SCARB2: variants seen among roughly 807,000 people sequenced by gnomAD.
SCARB2 encodes lysosome membrane protein 2.
SCARB2 carries 29 observed loss-of-function variants against 58.6 expected under a neutral mutation model. That is an observed-to-expected ratio of 0.49 (90% CI 0.37 to 0.67). The LOEUF is 0.67. Ranked by LOEUF, SCARB2 falls within the 30% of genes least tolerant of loss-of-function variation. The pLI is 0.00. For synonymous variants in SCARB2, 195 were observed against 210.1 expected, an observed-to-expected ratio of 0.93 and a Z score of 0.62; for missense variants, 488 against 578.5, an observed-to-expected ratio of 0.84 and a Z score of 1.60.
At chr4:76,205,452 G>A (rs1293799905) in intron 1 of SCARB2, among the ~76,000 whole-genome samples, 2 of 152,162 alleles carry the variant, frequency 1.3e-5, no homozygotes, top group African/African-American at 2.4e-5. Flanking sequence ...TTGAGGTAAG[G>A]TGTATGTTAA....
At chr4:76,220,717 C>A (rs1447409574) in intron 1 of SCARB2, among the ~76,000 whole-genome samples, 1 of 152,184 alleles carries the variant, frequency 6.6e-6, no homozygotes, top group Non-Finnish European at 1.5e-5. Flanking sequence ...GTAATGGTCC[C>A]TCTTAGAATA....
chr4:76,163,778 T>G (rs937423016), intron 10 of SCARB2: 3 of 329,762 alleles, frequency 9.1e-6, no homozygotes, highest in Non-Finnish European at 1.7e-5. Flanking sequence ...TCCATCTCAC[T>G]CTCTACTTCC....
rs2109943699 is a variant in SCARB2, at chr4:76,175,910, C to T, written c.705G>A (p.Thr235=). The T allele has an allele frequency of 4.3e-6, 7 of 1,613,550 alleles. No individual in the cohort carries two copies. Among genetic ancestry groups the T allele is most frequent in the Non-Finnish European group, 4.2e-6 (5 of 1,179,944 alleles). Residue 235 remains threonine (T), a splice_region_variant and synonymous_variant, in exon 6 of 12, where the codon ACG becomes ACA. Coordinates refer to ENST00000264896, the MANE Select transcript of SCARB2 (RefSeq NM_005506.4). ...FTKIVEWNGK[T]SLDWWITDKC... is the part of the protein sequence containing the mutation. ...TGTCTGTTATCCACCAGTCAAGTGA[C>T]CTATAATTGATAAGCACAAGAAAGA...
chr4:76,170,051 A>C (rs1307082648), intron 7 of SCARB2, 66 bp from the exon 8 acceptor site: 1 of 1,412,898 alleles, frequency 7.1e-7, no homozygotes, highest in Admixed American at 1.7e-5. Flanking sequence ...CTGAATATAA[A>C]AGTTCCTGGC....
In SCARB2 at chr4:76,213,601, G is replaced by T. The variant is rs185028681; in HGVS notation, c.-58C>A. 6.6e-3 allele frequency: 9,348 copies of T among 1,425,736 alleles called. 41 individuals carry two copies. The highest frequency in any genetic ancestry group is 7.6e-3 in the Non-Finnish European group (7,769 of 1,016,572). 88.3% of individuals were successfully genotyped at this position (1,425,736 alleles called of 1,614,324 possible). A position where few individuals can be genotyped will look rare whatever the true frequency, so the allele number is the denominator to read the frequency against. On this transcript the variant is annotated 5_prime_UTR_variant, in exon 1 of 12. Transcript: ENST00000264896. ...CACCCGCCAGGGATCCAACTGCAAG[G>T]AGGGAGGAGCCGCCGCAGAGGCGTC...
chr4:76,201,898 A>C (rs554772647), intron 1 of SCARB2, among the ~76,000 whole-genome samples: 2 of 152,350 alleles, frequency 1.3e-5, no homozygotes, highest in African/African-American at 4.8e-5. Context: ...AAACTCTTTC[A>C]TTCTTTCCAC....
chr4:76,228,109 G>A (rs1391101623), intron 1 of SCARB2, among the ~76,000 whole-genome samples: 2 of 149,212 alleles, frequency 1.3e-5, no homozygotes, highest in Admixed American at 1.3e-4. Flanking sequence ...TCATTGTGTT[G>A]TTGTTTTATA....
At chr4:76,212,668 G>C (rs1199729044) in intron 1 of SCARB2, among the ~76,000 whole-genome samples, 1 of 152,170 alleles carries the variant, frequency 6.6e-6, no homozygotes, top group Non-Finnish European at 1.5e-5. Flanking sequence ...TGGGGGAAAG[G>C]GCAGATGAAA....
chr4:76,163,196 A>G (rs1731933595), intron 11 of SCARB2, 29 bp downstream of exon 11: 10 of 1,613,794 alleles, frequency 6.2e-6, no homozygotes, highest in Non-Finnish European at 8.5e-6. Context: ...TTATCCAGTA[A>G]GGAAGAAGTT....
chr4:76,162,885 G>A, intron 11 of SCARB2: 1 of 479,648 alleles, frequency 2.1e-6, no homozygotes, highest in Non-Finnish European at 3.8e-6. Context: ...TTGAACTCAG[G>A]CAGTCTGACA....
intron 1 of SCARB2, among the ~76,000 whole-genome samples, chr4:76,199,877 AC>A (rs1560717966): frequency 6.6e-6 from 1 of 152,184 alleles, no homozygotes; most frequent in Admixed American, 6.5e-5. Context: ...CAAAGAAAGC[AC>A]CTCAACCTCC....
chr4:76,209,408 G>A (rs569086582), intron 1 of SCARB2, among the ~76,000 whole-genome samples: 48 of 151,430 alleles, frequency 3.2e-4, no homozygotes, highest in East Asian at 1.2e-3. Flanking sequence ...TTGCTCTGTC[G>A]CCCAGGCTGG....
chr4:76,164,113 T>C (rs2109932471), intron 10 of SCARB2: 1 of 152,908 alleles, frequency 6.5e-6, no homozygotes, highest in Middle Eastern at 3.4e-3. Context: ...ACTTAGTGTA[T>C]GCAGAGCAGA....
At chr4:76,196,804 G>T (rs773788651) in intron 1 of SCARB2, among the ~76,000 whole-genome samples, 3 of 152,182 alleles carry the variant, frequency 2.0e-5, no homozygotes, top group Non-Finnish European at 2.9e-5. Flanking sequence ...AATCCCTCCT[G>T]CACTTTCCAC....
Position 76,213,780 on chromosome 4 carries a change from T to G in SCARB2, c.-237A>C. Reference sequence around the variant, plus strand: ...GGGCCCGGACTCGGTTTCGGTTTCCTTCGCCGGGCAGCCGTGGCGCCCGCC... The same window carrying G: ...GGGCCCGGACTCGGTTTCGGTTTCCGTCGCCGGGCAGCCGTGGCGCCCGCC... On this transcript the variant is annotated 5_prime_UTR_variant, in exon 1 of 12. Coordinates refer to ENST00000264896, the MANE Select transcript of SCARB2 (RefSeq NM_005506.4). 2.5e-6 allele frequency: 1 copy of G among 404,434 alleles called. No homozygotes were observed. The highest frequency in any genetic ancestry group is 4.4e-6 in the Non-Finnish European group (1 of 227,756). 25.1% of individuals were successfully genotyped at this position (404,434 alleles called of 1,614,324 possible). A position where few individuals can be genotyped will look rare whatever the true frequency, so the allele number is the denominator to read the frequency against.
intron 7 of SCARB2, 92 bp from the exon 8 acceptor site, chr4:76,170,077 A>G (rs921537086): frequency 7.3e-6 from 8 of 1,093,508 alleles, no homozygotes; most frequent in African/African-American, 1.5e-5. Context: ...CCTGGTTCCT[A>G]AAGAAAAACA....
intron 1 of SCARB2, among the ~76,000 whole-genome samples, chr4:76,196,814 C>T (rs1732722283): frequency 6.6e-6 from 1 of 152,224 alleles, no homozygotes; most frequent in South Asian, 2.1e-4. Flanking sequence ...GCACTTTCCA[C>T]CCCTGTTCTG....
rs59815580 is a variant in SCARB2 at position 76,195,506 on chromosome 4, G to A, written c.275+201C>T. Reference sequence around the variant, plus strand: ...GCTGCACTTCAAAACACAACACGCTGAGACTTGGCCCAGTCTACAAAGCCA... The same window carrying A: ...GCTGCACTTCAAAACACAACACGCTAAGACTTGGCCCAGTCTACAAAGCCA... On this transcript the variant is annotated intron_variant, in intron 2 of 11. Transcript: ENST00000264896. 8.1e-3 allele frequency: 4,756 copies of A among 588,726 alleles called. 165 individuals carry two copies. Among genetic ancestry groups the A allele is most frequent in the African/African-American group, 0.079 (4,259 of 53,676 alleles). The allele number at this position is 588,726 out of a possible 1,614,324, so 36.5% of individuals were successfully genotyped here. A position where few individuals can be genotyped will look rare whatever the true frequency, so the allele number is the denominator to read the frequency against.
At chr4:76,171,985 C>T (rs74845492) in intron 7 of SCARB2, among the ~76,000 whole-genome samples, 4,076 of 150,686 alleles carry the variant, frequency 0.027, 163 homozygotes, top group African/African-American at 0.094. Flanking sequence ...TGCACACTTG[C>T]GCACGTGTGT....
Sources: gnomAD v4.1 joint callset for allele counts (sites outside exome capture counted in the v4.1 genomes callset) on GRCh38, gnomAD v4.1.1 for gene constraint, MANE v1.5 for transcripts, NCBI Gene and HGNC (gene_info 2026-07-23, HGNC 2026-07-21) for gene names.